Variants in CLIC1 observed in about 807,000 individuals in gnomAD.
CLIC1 encodes CLIC family member 1.
Under a neutral mutation model 26.4 loss-of-function variants are expected in CLIC1, and 16 were observed. The ratio of observed to expected loss-of-function variants is 0.61; its 90% CI spans 0.41 to 0.92. The LOEUF (loss-of-function observed/expected upper bound fraction) is 0.92, where lower values mean the gene tolerates loss of function less well. CLIC1 is among the 40% of genes least tolerant of loss of function. The pLI is 0.00. For synonymous variants in CLIC1, 98 were observed against 120.8 expected, an observed-to-expected ratio of 0.81 and a Z score of 1.24; for missense variants, 225 against 289.7, an observed-to-expected ratio of 0.78 and a Z score of 1.62.
chr6:31,730,584 C>G lies in CLIC1; in HGVS notation c.*258G>C. The stretch of plus-strand genomic sequence containing the variant: ...TCGCCCACACTTTAAATCCCCATTG[C>G]GTAAAAACACTTGATTTTTATTCTG... On this transcript the variant is annotated 3_prime_UTR_variant, in exon 6 of 6. Coordinates refer to ENST00000375784, the Ensembl canonical transcript of CLIC1. This position sits in a 1 kb window ranked among gnomAD's most constrained non-coding sequence, Gnocchi z 5.1. 2.0e-6 allele frequency: 1 copy of G among 501,132 alleles called. No individual in the cohort carries two copies. The highest frequency in any genetic ancestry group is 3.6e-6 in the Non-Finnish European group (1 of 281,422). 31.0% of individuals were successfully genotyped at this position (501,132 alleles called of 1,614,324 possible). A position where few individuals can be genotyped will look rare whatever the true frequency, so the allele number is the denominator to read the frequency against.
In CLIC1 at chr6:31,733,697, G is replaced by T; in HGVS notation, c.276-25C>A. On this transcript the variant is annotated intron_variant, in intron 3 of 5. Transcript: ENST00000375784. The surrounding 1 kb of genome is among the most constrained non-coding windows in gnomAD (Gnocchi z 5.4). ...CCTGAAAGCCAATGGGAAAAATGAGGTAAGATGTCTTCCTGGGAGGAACCT... is the reference window on the plus strand; with the variant it reads ...CCTGAAAGCCAATGGGAAAAATGAGTTAAGATGTCTTCCTGGGAGGAACCT... 1 of 1,611,016 alleles carries T rather than the reference G, an allele frequency of 6.2e-7. No homozygotes were observed. The highest frequency in any genetic ancestry group is 8.5e-7 in the Non-Finnish European group (1 of 1,177,930).
intron 1 of CLIC1, among the ~76,000 whole-genome samples, chr6:31,735,818 C>CACACACACAT (rs1808293582): frequency 1.3e-5 from 2 of 149,788 alleles, no homozygotes; most frequent in African/African-American, 2.5e-5. Flanking sequence ...CACACACACA[C>CACACACACAT]ACACACACAC....
rs564560635 is a variant in CLIC1 at position 31,733,728 on chromosome 6, A to G, written c.276-56T>C. 2.1e-5 allele frequency: 33 copies of G among 1,604,496 alleles called. No individual in the cohort carries two copies. In the East Asian group the frequency reaches 3.1e-4, roughly 15 times the overall value. ...TGTCTTCCTGGGAGGAACCTCAGCT[A>G]GCTCTCCTGCCCCAGCCCCACCACC... is the stretch of plus-strand genomic sequence containing the variant. On this transcript the variant is annotated intron_variant, in intron 3 of 5. Coordinates refer to ENST00000375784, the Ensembl canonical transcript of CLIC1. The surrounding 1 kb of genome is among the most constrained non-coding windows in gnomAD (Gnocchi z 5.4).
chr6:31,733,675 G>A lies in CLIC1; in HGVS notation c.276-3C>T, dbSNP rs778701866. The A allele has an allele frequency of 1.2e-6, 2 of 1,612,946 alleles. No individual in the cohort carries two copies. The highest frequency in any genetic ancestry group is 3.3e-5 in the Admixed American group (2 of 60,022). ...TCAGAGCTGCCAGCTTGGGGTACCT[G>A]AAAGCCAATGGGAAAAATGAGGTAA... On this transcript the variant is annotated splice_polypyrimidine_tract_variant and splice_region_variant and intron_variant, in intron 3 of 5. Transcript: ENST00000375784. This position sits in a 1 kb window ranked among gnomAD's most constrained non-coding sequence, Gnocchi z 5.4.
At chr6:31,737,157 C>T (rs378538), upstream of CLIC1, 16,588 of 157,080 alleles carry the variant, frequency 0.11, 1,203 homozygotes, top group African/African-American at 0.2. Context: ...GGTGAGGTGG[C>T]TCACGCCTGT....
rs569218674 is a variant in CLIC1 at position 31,733,803 on chromosome 6, C to A, written c.275+33G>T. ...CTGTCTGTTTCCCAGAATCTCCCTG[C>A]TCCACCTCTCCACTTTCTGAGTGCC... On this transcript the variant is annotated intron_variant, in intron 3 of 5. Coordinates refer to ENST00000375784, the Ensembl canonical transcript of CLIC1. This position sits in a 1 kb window ranked among gnomAD's most constrained non-coding sequence, Gnocchi z 5.4. The A allele has an allele frequency of 1.9e-6, 3 of 1,612,320 alleles. No individual in the cohort carries two copies. The highest frequency in any genetic ancestry group is 2.5e-6 in the Non-Finnish European group (3 of 1,178,424).
chr6:31,737,251 CT>C (rs1307892385), upstream of CLIC1: 2 of 152,118 alleles, frequency 1.3e-5, no homozygotes, highest in African/African-American at 4.8e-5. Context: ...TGGTGAAACC[CT>C]GTCTCTACTA....
chr6:31,730,926 G>C lies in CLIC1; in HGVS notation c.642C>G (p.Tyr214Ter), dbSNP rs752246685. The C allele has an allele frequency of 6.2e-7, 1 of 1,612,950 alleles. No individual in the cohort carries two copies. Among genetic ancestry groups the C allele is most frequent in the Non-Finnish European group, 8.5e-7 (1 of 1,180,022 alleles). ...AGGTGGAAGCGAATTCTTCCCGGGC[G>C]TAGGCATTGCTCAAGTACCGATGCA... Residue 214 changes from tyrosine to a stop codon, truncating the protein, a stop_gained, in exon 6 of 6, where the codon TAC becomes TAG. Coordinates refer to ENST00000375784, the Ensembl canonical transcript of CLIC1. LOFTEE classifies it high-confidence loss of function. The surrounding 1 kb of genome is among the most constrained non-coding windows in gnomAD (Gnocchi z 5.1).
chr6:31,736,516 C>G lies in CLIC1; in HGVS notation c.-216G>C. 2 of 1,382,538 alleles carry G rather than the reference C, an allele frequency of 1.4e-6. No homozygotes were observed. Among genetic ancestry groups the G allele is most frequent in the Non-Finnish European group, 1.9e-6 (2 of 1,068,288 alleles). The allele number at this position is 1,382,538 out of a possible 1,614,324, so 85.6% of individuals were successfully genotyped here. On this transcript the variant is annotated 5_prime_UTR_variant, in exon 1 of 6. Coordinates refer to ENST00000375784, the Ensembl canonical transcript of CLIC1. The surrounding 1 kb of genome is among the most constrained non-coding windows in gnomAD (Gnocchi z 5.0). ...CAGCTCCTCCAGCTCGGTCCTCTCC[C>G]GGGCTGGATCAGAGAGCCGCTGACT... is the stretch of plus-strand genomic sequence containing the variant.
Position 31,732,338 on chromosome 6 carries a change from AG to A in CLIC1, c.442del (p.Leu148SerfsTer39). The stretch of plus-strand genomic sequence containing the variant: ...ACTGGTTTCATCCACTTCTTCTGGG[AG>A]GGGGGATGTTAAGTAATTGTCTAAA... On this transcript the variant is annotated frameshift_variant, in exon 5 of 6. Transcript: ENST00000375784. LOFTEE classifies it high-confidence loss of function. The surrounding 1 kb of genome is among the most constrained non-coding windows in gnomAD (Gnocchi z 5.0). 1.3e-6 allele frequency: 2 copies of A among 1,595,016 alleles called. No homozygotes were observed. Among genetic ancestry groups the A allele is most frequent in the Non-Finnish European group, 1.7e-6 (2 of 1,171,438 alleles).
rs1808339704 is a variant in CLIC1 at position 31,736,455 on chromosome 6, A to G, written c.-155T>C. 9 of 1,431,698 alleles carry G rather than the reference A, an allele frequency of 6.3e-6. No individual in the cohort carries two copies. The highest frequency in any genetic ancestry group is 8.3e-6 in the Non-Finnish European group (9 of 1,087,090). The allele number at this position is 1,431,698 out of a possible 1,614,324, so 88.7% of individuals were successfully genotyped here. ...CTCAATCAGACCTACTTGCACCCAA[A>G]CTAGGCCTCCCCACCAGCCCAACGC... On this transcript the variant is annotated 5_prime_UTR_variant, in exon 1 of 6. Coordinates refer to ENST00000375784, the Ensembl canonical transcript of CLIC1. This position sits in a 1 kb window ranked among gnomAD's most constrained non-coding sequence, Gnocchi z 5.0.
Position 31,732,255 on chromosome 6 carries a change from C to G in CLIC1, c.526G>C (p.Ala176Pro). The change falls in exon 5 of 6, where the codon GCT becomes CCT. Residue 176 changes from alanine (A) to proline (P), a missense_variant. Coordinates refer to ENST00000375784, the Ensembl canonical transcript of CLIC1. The surrounding 1 kb of genome is among the most constrained non-coding windows in gnomAD (Gnocchi z 5.0). ...AACTTTGGCAACAGGTTGCAGTCAG[C>G]CAGGGTGAGCTCGTTGCCATCCAAA... 1 of 1,583,560 alleles carries G rather than the reference C, an allele frequency of 6.3e-7. No individual in the cohort carries two copies. The highest frequency in any genetic ancestry group is 8.6e-7 in the Non-Finnish European group (1 of 1,165,396).
At chr6:31,731,102 T>G in intron 5 of CLIC1, 99 bp from the exon 6 acceptor site, 1 of 1,015,006 alleles carries the variant, frequency 9.9e-7, no homozygotes, top group Admixed American at 2.2e-5. Context: ...CCAGCTCAAC[T>G]CCTCACTGTC....
upstream of CLIC1, chr6:31,736,746 T>C: frequency 9.9e-6 from 10 of 1,009,524 alleles, no homozygotes; most frequent in Non-Finnish European, 1.2e-5. This position sits in a 1 kb window ranked among gnomAD's most constrained non-coding sequence, Gnocchi z 5.0. Context: ...CCTGCTTCAT[T>C]AATCTGAGTA....
Position 31,734,148 on chromosome 6 carries a change from GCCTA to G in CLIC1, c.149+2_149+5del. On this transcript the variant is annotated splice_donor_variant and splice_donor_5th_base_variant and intron_variant, in intron 2 of 5. Coordinates refer to ENST00000375784, the Ensembl canonical transcript of CLIC1. LOFTEE classifies it high-confidence loss of function. The surrounding 1 kb of genome is among the most constrained non-coding windows in gnomAD (Gnocchi z 5.3). The stretch of plus-strand genomic sequence containing the variant: ...GGGGTGTTTCAAGGAACATAAGCAG[GCCTA>G]CCTTTTGGTGTCAACGGTGGTAACA... 1 of 1,609,660 alleles carries G rather than the reference GCCTA, an allele frequency of 6.2e-7. No homozygotes were observed. The highest frequency in any genetic ancestry group is 8.5e-7 in the Non-Finnish European group (1 of 1,175,904).
At position 31,733,441 on chromosome 6, in the gene CLIC1, G is replaced by A; in HGVS notation, c.382+125C>T. Reference sequence around the variant, plus strand: ...AGGTAAAGCAAAAATGGGAAGCTGGGGGAAATTTACGAACATCTGCTTCAT... The same window carrying A: ...AGGTAAAGCAAAAATGGGAAGCTGGAGGAAATTTACGAACATCTGCTTCAT... On this transcript the variant is annotated intron_variant, in intron 4 of 5. Transcript: ENST00000375784. This position sits in a 1 kb window ranked among gnomAD's most constrained non-coding sequence, Gnocchi z 5.4. The A allele has an allele frequency of 1.5e-6, 1 of 688,216 alleles. No homozygotes were observed. Among genetic ancestry groups the A allele is most frequent in the Admixed American group, 2.6e-5 (1 of 38,588 alleles). 42.6% of individuals were successfully genotyped at this position (688,216 alleles called of 1,614,324 possible).
chr6:31,732,815 T>C lies in CLIC1; in HGVS notation c.383-417A>G, dbSNP rs748356509. 2.6e-5 allele frequency among the ~76,000 whole-genome samples: 4 copies of C among 151,088 alleles called. No homozygotes were observed. The highest frequency in any genetic ancestry group is 4.4e-5 in the Non-Finnish European group (3 of 67,860). Reference sequence around the variant, plus strand: ...GCCTCGGCCTCCCAAAGTGAACACTTTACATTTTACAAACTCATTTATATC... The same window carrying C: ...GCCTCGGCCTCCCAAAGTGAACACTCTACATTTTACAAACTCATTTATATC... On this transcript the variant is annotated intron_variant, in intron 4 of 5. Transcript: ENST00000375784. This position sits in a 1 kb window ranked among gnomAD's most constrained non-coding sequence, Gnocchi z 5.0.
In CLIC1 at chr6:31,733,989, G is replaced by A; in HGVS notation, c.150-28C>T. On this transcript the variant is annotated intron_variant, in intron 2 of 5. Transcript: ENST00000375784. The surrounding 1 kb of genome is among the most constrained non-coding windows in gnomAD (Gnocchi z 5.4). Reference sequence around the variant, plus strand: ...GGAGAAAGGATCAGGAATCAGGACTGGAAATGGGGGTCAGGAAGAACCAGA... The same window carrying A: ...GGAGAAAGGATCAGGAATCAGGACTAGAAATGGGGGTCAGGAAGAACCAGA... The A allele has an allele frequency of 6.2e-7, 1 of 1,607,984 alleles. No individual in the cohort carries two copies. Among genetic ancestry groups the A allele is most frequent in the Non-Finnish European group, 8.5e-7 (1 of 1,175,892 alleles).
chr6:31,736,136 A>C lies in CLIC1; in HGVS notation c.39+126T>G. Reference sequence around the variant, plus strand: ...CCTCTCAAAACCACCCCTCAACCAAAGAGTGCACGTGGGATTGGGGGTGGG... The same window carrying C: ...CCTCTCAAAACCACCCCTCAACCAACGAGTGCACGTGGGATTGGGGGTGGG... On this transcript the variant is annotated intron_variant, in intron 1 of 5. Transcript: ENST00000375784. The surrounding 1 kb of genome is among the most constrained non-coding windows in gnomAD (Gnocchi z 5.0). 1 of 917,158 alleles carries C rather than the reference A, an allele frequency of 1.1e-6. No homozygotes were observed. Among genetic ancestry groups the C allele is most frequent in the Non-Finnish European group, 1.8e-6 (1 of 565,306 alleles). 56.8% of individuals were successfully genotyped at this position (917,158 alleles called of 1,614,324 possible). A position where few individuals can be genotyped will look rare whatever the true frequency, so the allele number is the denominator to read the frequency against.
Sources: allele counts gnomAD v4.1 joint callset (sites outside exome capture counted in the v4.1 genomes callset), GRCh38; gene constraint gnomAD v4.1.1; non-coding constraint Gnocchi (gnomAD v3.1); transcripts MANE v1.5; gene names NCBI Gene and HGNC (gene_info 2026-07-23, HGNC 2026-07-21).